The following NKAIN2 variants were observed in gnomAD, a reference collection of about 807,000 sequenced individuals.
NKAIN2 encodes the protein sodium/potassium-transporting ATPase subunit beta-1-interacting protein 2.
A neutral mutation model predicts 32.6 loss-of-function variants in NKAIN2; 14 were observed. The ratio of observed to expected loss-of-function variants is 0.43; its 90% CI spans 0.28 to 0.67. NKAIN2 has a LOEUF of 0.67. NKAIN2 is among the 30% of genes least tolerant of loss of function. The pLI is 0.17. For missense variants in NKAIN2, 198 were observed against 258.3 expected (o/e 0.77, Z 1.60); for synonymous variants, 80 against 87.2 (o/e 0.92, Z 0.46).
chr6:124,268,024 T>C (rs1220913742), intron 1 of NKAIN2, among the ~76,000 whole-genome samples: 1 of 152,232 alleles, frequency 6.6e-6, no homozygotes, highest in Non-Finnish European at 1.5e-5. Flanking sequence ...TTAAACTTCA[T>C]TTTCATTTTT....
At chr6:124,490,431 A>G (rs558563804) in intron 3 of NKAIN2, 3,938 of 208,766 alleles carry the variant, frequency 0.019, 55 homozygotes, top group Non-Finnish European at 0.024. Flanking sequence ...TTTTTTTTTT[A>G]AGAATTCTTG....
chr6:124,743,081 C>A (rs1264784111), intron 4 of NKAIN2, among the ~76,000 whole-genome samples: 1 of 151,826 alleles, frequency 6.6e-6, no homozygotes, highest in Non-Finnish European at 1.5e-5. Flanking sequence ...GACACTGTGG[C>A]ATCACAGAGG....
At chr6:124,094,162 T>G (rs1784550148) in intron 1 of NKAIN2, among the ~76,000 whole-genome samples, 1 of 152,138 alleles carries the variant, frequency 6.6e-6, no homozygotes, top group Non-Finnish European at 1.5e-5. Context: ...TCTCCTCTTG[T>G]GAATATTTAC....
intron 4 of NKAIN2, among the ~76,000 whole-genome samples, chr6:124,670,438 T>A (rs1773041387): frequency 1.3e-5 from 2 of 152,092 alleles, no homozygotes; most frequent in South Asian, 4.1e-4. Context: ...TGATTTTGTA[T>A]AGCATTATTT....
intron 1 of NKAIN2, among the ~76,000 whole-genome samples, chr6:124,105,393 C>A (rs544599358): frequency 6.6e-6 from 1 of 152,146 alleles, no homozygotes; most frequent in South Asian, 2.1e-4. Context: ...AGAGCGCCAG[C>A]CTCAGTTTTT....
At chr6:123,926,408 G>A (rs1478039364) in intron 1 of NKAIN2, among the ~76,000 whole-genome samples, 1 of 151,990 alleles carries the variant, frequency 6.6e-6, no homozygotes, top group Non-Finnish European at 1.5e-5. Flanking sequence ...GATTCCTGTG[G>A]CAGTGTTCCC....
At chr6:124,604,564 G>T (rs1782427868) in intron 3 of NKAIN2, among the ~76,000 whole-genome samples, 1 of 151,102 alleles carries the variant, frequency 6.6e-6, no homozygotes, top group Admixed American at 6.6e-5. Flanking sequence ...TTCTCTCTAT[G>T]CTTGATAATT....
rs145195592 is a variant in NKAIN2, at chr6:124,104,231, T to C, written c.55-178774T>C. ...TTCTCATCCAAATTTATAACCTTTT[T>C]TGTCTTGCTAAGTTTCAGATTCAGT... On this transcript the variant is annotated intron_variant, in intron 1 of 6. Transcript: ENST00000368417. Among the ~76,000 whole-genome samples the C allele has an allele frequency of 1.8e-4, 27 of 152,360 alleles. No homozygotes were observed. The East Asian group carries it at 5.0e-3, about 28-fold the overall frequency.
chr6:124,614,301 C>A (rs1326634422), intron 3 of NKAIN2, among the ~76,000 whole-genome samples: 1 of 151,970 alleles, frequency 6.6e-6, no homozygotes, highest in Non-Finnish European at 1.5e-5. Flanking sequence ...GGCTGAGGCA[C>A]GAGAATTGCT....
chr6:123,875,126 G>T (rs1299909383), intron 1 of NKAIN2, among the ~76,000 whole-genome samples: 1 of 151,756 alleles, frequency 6.6e-6, no homozygotes, highest in East Asian at 1.9e-4. Context: ...CATTTAGGTT[G>T]TTTCCATTAT....
chr6:124,093,311 G>C (rs1245785793), intron 1 of NKAIN2, among the ~76,000 whole-genome samples: 1 of 152,004 alleles, frequency 6.6e-6, no homozygotes, highest in African/African-American at 2.4e-5. Context: ...AGATAATTGG[G>C]GTAAACCTAA....
At chr6:123,985,682 C>T (rs1241640540) in intron 1 of NKAIN2, among the ~76,000 whole-genome samples, 1 of 152,138 alleles carries the variant, frequency 6.6e-6, no homozygotes, top group East Asian at 1.9e-4. Flanking sequence ...GCAAAGAGAC[C>T]TATGAAACAG....
rs9482550 is a variant in NKAIN2 at position 124,412,790 on chromosome 6, G to A, written c.273+57443G>A. ...CCCAGAGGTGGAGCCTACCTAGGCA[G>A]GCAGGCCTCCTTGATCTGTGGTGGG... On this transcript the variant is annotated intron_variant, in intron 3 of 6. Transcript: ENST00000368417. Among the ~76,000 whole-genome samples the A allele has an allele frequency of 8.3e-3, 1,260 of 152,314 alleles. 17 individuals are homozygous for A. Among genetic ancestry groups the A allele is most frequent in the African/African-American group, 0.029 (1,185 of 41,572 alleles).
chr6:123,969,261 T>C lies in NKAIN2; in HGVS notation c.54+165007T>C, dbSNP rs901809069. ...TATTAATGTGTGATGGGATTTTTGCTCATTATGGTATGAAATGATGTGAGG... is the reference window on the plus strand; with the variant it reads ...TATTAATGTGTGATGGGATTTTTGCCCATTATGGTATGAAATGATGTGAGG... On this transcript the variant is annotated intron_variant, in intron 1 of 6. Transcript: ENST00000368417. Among the ~76,000 whole-genome samples, 7 of 152,296 alleles carry C rather than the reference T, an allele frequency of 4.6e-5. No individual in the cohort carries two copies. In the East Asian group the frequency reaches 1.2e-3, roughly 25 times the overall value.
At chr6:124,073,376 A>G (rs186917778) in intron 1 of NKAIN2, among the ~76,000 whole-genome samples, 2 of 152,378 alleles carry the variant, frequency 1.3e-5, no homozygotes, top group East Asian at 3.9e-4. Flanking sequence ...GTATATTTAA[A>G]GTGATTCGTG....
chr6:124,002,719 A>C (rs1779929755), intron 1 of NKAIN2, among the ~76,000 whole-genome samples: 1 of 152,218 alleles, frequency 6.6e-6, no homozygotes, highest in Admixed American at 6.5e-5. Flanking sequence ...TTATTGCAAA[A>C]AAGAATGAGA....
At chr6:124,429,936 T>C in intron 3 of NKAIN2, among the ~76,000 whole-genome samples, 1 of 151,826 alleles carries the variant, frequency 6.6e-6, no homozygotes, top group African/African-American at 2.4e-5. Context: ...AATAACATGA[T>C]CAAAATAAGA....
chr6:123,947,938 G>A (rs928759214), intron 1 of NKAIN2, among the ~76,000 whole-genome samples: 19 of 151,966 alleles, frequency 1.3e-4, no homozygotes, highest in African/African-American at 4.4e-4. Flanking sequence ...ACCCTTTTCA[G>A]CCTCTGGTAT....
At chr6:124,694,395 A>G (rs1322097191) in intron 4 of NKAIN2, among the ~76,000 whole-genome samples, 2 of 152,232 alleles carry the variant, frequency 1.3e-5, no homozygotes, top group Admixed American at 6.5e-5. Flanking sequence ...TAAATTGCAT[A>G]GGCAGTGTTA....
Sources: allele counts gnomAD v4.1 joint callset (sites outside exome capture counted in the v4.1 genomes callset), GRCh38; gene constraint gnomAD v4.1.1; transcripts MANE v1.5; gene names NCBI Gene and HGNC (gene_info 2026-07-23, HGNC 2026-07-21).